SLC2A13: variants seen among roughly 807,000 people sequenced by gnomAD.
The protein encoded by SLC2A13 is proton myo-inositol cotransporter.
Under a neutral mutation model 64.4 loss-of-function variants are expected in SLC2A13, and 32 were observed. That is an observed-to-expected ratio of 0.50 (90% CI 0.37 to 0.67). The LOEUF (loss-of-function observed/expected upper bound fraction) is 0.67, where lower values mean the gene tolerates loss of function less well. SLC2A13 is among the 30% of genes least tolerant of loss of function. The probability of loss-of-function intolerance (pLI) is 0.00; values close to 1 mark genes in which losing one functional copy is unlikely to be tolerated. For synonymous variants in SLC2A13, 338 were observed against 327.1 expected, an observed-to-expected ratio of 1.03 and a Z score of -0.36; for missense variants, 743 against 829.2, an observed-to-expected ratio of 0.90 and a Z score of 1.28.
At chr12:39,951,429 C>T (rs1300325048) in intron 3 of SLC2A13, 64 bp from the exon 4 acceptor site, 2 of 1,291,914 alleles carry the variant, frequency 1.5e-6, no homozygotes, top group Admixed American at 2.9e-5. Flanking sequence ...AGTAATTATT[C>T]CCAATAGGAC....
intron 3 of SLC2A13, among the ~76,000 whole-genome samples, chr12:39,997,699 C>T (rs28740188): frequency 0.13 from 19,544 of 152,026 alleles, 1,486 homozygotes; most frequent in Middle Eastern, 0.15. Context: ...GGCATGGTGG[C>T]GGGTGCTTGT....
At chr12:39,994,789 G>A (rs1345856555) in intron 3 of SLC2A13, among the ~76,000 whole-genome samples, 2 of 152,190 alleles carry the variant, frequency 1.3e-5, no homozygotes, top group Admixed American at 1.3e-4. Flanking sequence ...AAAATTAAGG[G>A]AGTAATGCTA....
chr12:39,927,031 T>C (rs1251453143), intron 4 of SLC2A13, among the ~76,000 whole-genome samples: 1 of 152,224 alleles, frequency 6.6e-6, no homozygotes, highest in Non-Finnish European at 1.5e-5. Context: ...CAATGTATCA[T>C]ATAATTTATA....
intron 6 of SLC2A13, among the ~76,000 whole-genome samples, chr12:39,840,553 G>C (rs1943154595): frequency 6.6e-6 from 1 of 151,960 alleles, no homozygotes; most frequent in Non-Finnish European, 1.5e-5. Context: ...TTTAGAATAT[G>C]ACATGCTCTC....
intron 4 of SLC2A13, among the ~76,000 whole-genome samples, chr12:39,903,561 A>T (rs78304230): frequency 0.046 from 7,009 of 152,126 alleles, 293 homozygotes; most frequent in Admixed American, 0.13. Context: ...TGTGGTACAG[A>T]GGTAGGTACG....
chr12:39,793,419 G>A (rs535821100), intron 7 of SLC2A13, among the ~76,000 whole-genome samples: 1 of 152,252 alleles, frequency 6.6e-6, no homozygotes, highest in South Asian at 2.1e-4. Flanking sequence ...TAGAGTCAAT[G>A]TAAGTCCAAT....
chr12:39,764,020 G>A (rs1940257540), intron 9 of SLC2A13, among the ~76,000 whole-genome samples: 1 of 152,112 alleles, frequency 6.6e-6, no homozygotes, highest in African/African-American at 2.4e-5. Context: ...ATTTGAGGAA[G>A]CTACTTTCAG....
chr12:39,886,249 G>GA (rs1944462850), intron 4 of SLC2A13, among the ~76,000 whole-genome samples: 1 of 152,164 alleles, frequency 6.6e-6, no homozygotes, highest in Non-Finnish European at 1.5e-5. Flanking sequence ...TTATTAAATA[G>GA]TAAATTAGGC....
intron 3 of SLC2A13, among the ~76,000 whole-genome samples, chr12:40,007,329 C>T (rs1947439331): frequency 6.6e-6 from 1 of 152,004 alleles, no homozygotes; most frequent in African/African-American, 2.4e-5. Context: ...TTTAAGCACA[C>T]GGTCTAGTAA....
intron 2 of SLC2A13, among the ~76,000 whole-genome samples, chr12:40,039,063 T>C (rs1434803644): frequency 1.3e-5 from 2 of 152,254 alleles, no homozygotes; most frequent in East Asian, 3.8e-4. Flanking sequence ...GCATTCACAC[T>C]GCTGGCTAAC....
intron 7 of SLC2A13, among the ~76,000 whole-genome samples, chr12:39,806,463 T>A (rs1464298928): frequency 6.6e-6 from 1 of 152,204 alleles, no homozygotes; most frequent in Non-Finnish European, 1.5e-5. Context: ...ATATTTTCCC[T>A]GGGATCCAAT....
At chr12:39,832,760 A>G (rs1028711916) in intron 6 of SLC2A13, among the ~76,000 whole-genome samples, 2 of 152,008 alleles carry the variant, frequency 1.3e-5, no homozygotes, top group African/African-American at 4.8e-5. Context: ...ACCACTTCCC[A>G]TCATTTCAAT....
intron 2 of SLC2A13, among the ~76,000 whole-genome samples, chr12:40,042,433 G>A (rs991641735): frequency 6.6e-6 from 1 of 152,042 alleles, no homozygotes; most frequent in Non-Finnish European, 1.5e-5. Context: ...GGTTCCTAGG[G>A]AGGTATATTC....
chr12:40,044,026 C>A (rs1241512095), intron 2 of SLC2A13, among the ~76,000 whole-genome samples: 1 of 152,146 alleles, frequency 6.6e-6, no homozygotes, highest in Non-Finnish European at 1.5e-5. Context: ...TTATGTCTAT[C>A]CTAAAATTTG....
At chr12:39,886,653 T>C (rs1462417060) in intron 4 of SLC2A13, among the ~76,000 whole-genome samples, 1 of 152,196 alleles carries the variant, frequency 6.6e-6, no homozygotes, top group African/African-American at 2.4e-5. Context: ...CTCTCTACTT[T>C]TCTTTAAGTG....
At chr12:39,968,594 T>C (rs1369956557) in intron 3 of SLC2A13, among the ~76,000 whole-genome samples, 1 of 151,910 alleles carries the variant, frequency 6.6e-6, no homozygotes, top group Non-Finnish European at 1.5e-5. Flanking sequence ...TACACTATTA[T>C]TCCCCTTCCT....
intron 6 of SLC2A13, among the ~76,000 whole-genome samples, chr12:39,847,391 C>T (rs1943347715): frequency 6.6e-6 from 1 of 152,080 alleles, no homozygotes; most frequent in Non-Finnish European, 1.5e-5. Context: ...ATACATTTCC[C>T]AGTTCACATT....
chr12:39,774,134 C>A (rs1249064271), intron 7 of SLC2A13, among the ~76,000 whole-genome samples: 1 of 152,114 alleles, frequency 6.6e-6, no homozygotes, highest in African/African-American at 2.4e-5. Context: ...ATAATTACAC[C>A]ATTACAATTT....
At chr12:39,943,507 G>C (rs1946077956) in intron 4 of SLC2A13, among the ~76,000 whole-genome samples, 1 of 152,140 alleles carries the variant, frequency 6.6e-6, no homozygotes. Flanking sequence ...GCTGAGCTGT[G>C]GTGGGATCTG....
Sources: allele counts gnomAD v4.1 joint callset (sites outside exome capture counted in the v4.1 genomes callset), GRCh38; gene constraint gnomAD v4.1.1; transcripts MANE v1.5; gene names NCBI Gene and HGNC (gene_info 2026-07-23, HGNC 2026-07-21).